The following TRPM3 variants were observed in gnomAD, a reference collection of about 807,000 sequenced individuals.
The protein encoded by TRPM3 is transient receptor potential cation channel subfamily M member 3, also known as long transient receptor potential channel 3.
A neutral mutation model predicts 181.2 loss-of-function variants in TRPM3; 77 were observed. The ratio of observed to expected loss-of-function variants is 0.42; its 90% CI spans 0.35 to 0.51. TRPM3 has a LOEUF of 0.51. TRPM3 is among the 20% of genes least tolerant of loss of function. TRPM3 has a pLI of 0.01. For synonymous variants in TRPM3, 745 were observed against 796.4 expected, an observed-to-expected ratio of 0.94 and a Z score of 1.09; for missense variants, 1,759 against 2,196.7, an observed-to-expected ratio of 0.80 and a Z score of 3.98.
chr9:70,936,870 G>T (rs1344638882), intron 1 of TRPM3, among the ~76,000 whole-genome samples: 1 of 152,152 alleles, frequency 6.6e-6, no homozygotes, highest in Non-Finnish European at 1.5e-5. Flanking sequence ...TTTCTCTGCT[G>T]TATCTCTTGT....
intron 8 of TRPM3, among the ~76,000 whole-genome samples, chr9:70,758,470 G>T (rs1302545588): frequency 6.6e-6 from 1 of 152,128 alleles, no homozygotes; most frequent in Non-Finnish European, 1.5e-5. Context: ...CACAGAATTA[G>T]GAAAAACTAC....
intron 1 of TRPM3, among the ~76,000 whole-genome samples, chr9:71,325,518 A>T (rs1049212435): frequency 1.3e-5 from 2 of 152,336 alleles, no homozygotes; most frequent in Admixed American, 6.5e-5. Flanking sequence ...TACAGAGATT[A>T]TAAATGATAA....
chr9:70,891,654 T>A (rs2096204818), intron 1 of TRPM3, among the ~76,000 whole-genome samples: 1 of 152,194 alleles, frequency 6.6e-6, no homozygotes, highest in African/African-American at 2.4e-5. Flanking sequence ...GATAAAGGTT[T>A]CAAATGAATG....
At chr9:71,315,420 T>C (rs952510142) in intron 1 of TRPM3, among the ~76,000 whole-genome samples, 1 of 152,144 alleles carries the variant, frequency 6.6e-6, no homozygotes, top group African/African-American at 2.4e-5. Context: ...TTTTCAAACT[T>C]CCCATACATT....
intron 6 of TRPM3, among the ~76,000 whole-genome samples, chr9:70,802,569 C>G (rs2089436534): frequency 1.3e-5 from 2 of 152,106 alleles, no homozygotes; most frequent in African/African-American, 4.8e-5. Context: ...TGCCTGTGAT[C>G]AATGAGAAAC....
At chr9:70,983,081 AG>A (rs1444348541) in intron 1 of TRPM3, among the ~76,000 whole-genome samples, 7 of 152,242 alleles carry the variant, frequency 4.6e-5, no homozygotes, top group Admixed American at 4.6e-4. Context: ...CCATCATGGT[AG>A]CATTTGTCTA....
intron 22 of TRPM3, among the ~76,000 whole-genome samples, chr9:70,564,292 T>A (rs191529718): frequency 3.9e-5 from 6 of 152,268 alleles, no homozygotes; most frequent in South Asian, 2.1e-4. Flanking sequence ...CTTTCAGATT[T>A]TTGTGTTGCT....
At chr9:70,814,017 A>T (rs958905073) in intron 6 of TRPM3, among the ~76,000 whole-genome samples, 2 of 152,236 alleles carry the variant, frequency 1.3e-5, no homozygotes, top group Non-Finnish European at 2.9e-5. Context: ...TTACAGATGC[A>T]CCAGCAAATA....
intron 21 of TRPM3, among the ~76,000 whole-genome samples, chr9:70,594,444 A>T (rs1304427413): frequency 6.6e-6 from 1 of 152,184 alleles, no homozygotes; most frequent in African/African-American, 2.4e-5. Context: ...TATGATGATG[A>T]CATGTCTGAC....
intron 9 of TRPM3, among the ~76,000 whole-genome samples, chr9:70,681,025 C>G (rs1253691708): frequency 6.6e-6 from 1 of 152,000 alleles, no homozygotes; most frequent in African/African-American, 2.4e-5. Flanking sequence ...ATAACAAGTA[C>G]AGTACCATAA....
intron 1 of TRPM3, among the ~76,000 whole-genome samples, chr9:71,303,271 G>C (rs1208663229): frequency 6.6e-6 from 1 of 152,206 alleles, no homozygotes; most frequent in Non-Finnish European, 1.5e-5. Flanking sequence ...GAAAAGGTAA[G>C]ACAAAGTTTA....
intron 1 of TRPM3, among the ~76,000 whole-genome samples, chr9:71,431,393 C>T (rs1403567441): frequency 2.6e-5 from 4 of 152,058 alleles, no homozygotes; most frequent in Non-Finnish European, 5.9e-5. Flanking sequence ...AATTATATTG[C>T]CCTATTTTTA....
At chr9:71,191,274 G>A (rs2078002861) in intron 1 of TRPM3, among the ~76,000 whole-genome samples, 1 of 151,926 alleles carries the variant, frequency 6.6e-6, no homozygotes, top group Middle Eastern at 3.4e-3. Flanking sequence ...AGTAGACACT[G>A]TACATTTTTG....
At chr9:70,896,184 G>T (rs1244485948) in intron 1 of TRPM3, among the ~76,000 whole-genome samples, 2 of 152,146 alleles carry the variant, frequency 1.3e-5, no homozygotes, top group Non-Finnish European at 2.9e-5. Context: ...TTGTTTGTTT[G>T]TTTTTGGTGC....
At chr9:71,303,851 T>C (rs1359606653) in intron 1 of TRPM3, among the ~76,000 whole-genome samples, 3 of 152,192 alleles carry the variant, frequency 2.0e-5, no homozygotes, top group African/African-American at 4.8e-5. Flanking sequence ...GCTTTATGTT[T>C]ATTGTATTGC....
At chr9:71,317,799 T>C (rs776018746) in intron 1 of TRPM3, among the ~76,000 whole-genome samples, 29 of 152,330 alleles carry the variant, frequency 1.9e-4, no homozygotes, top group South Asian at 1.2e-3. Flanking sequence ...CAAAATACTT[T>C]TGTATTTATA....
At chr9:71,162,199 C>CAAAAAA (rs35947110) in intron 1 of TRPM3, among the ~76,000 whole-genome samples, 1 of 74,408 alleles carries the variant, frequency 1.3e-5, no homozygotes, top group African/African-American at 5.4e-5. Flanking sequence ...GACTCTGTCT[C>CAAAAAA]AAAAAAAAAA....
chr9:70,916,961 T>C, intron 1 of TRPM3: 7 of 1,434,342 alleles, frequency 4.9e-6, no homozygotes, highest in Non-Finnish European at 6.7e-6. Context: ...TTAGGCTTTC[T>C]AGTGAACAAT....
intron 22 of TRPM3, among the ~76,000 whole-genome samples, chr9:70,569,355 T>C (rs2051556003): frequency 6.6e-6 from 1 of 152,204 alleles, no homozygotes; most frequent in South Asian, 2.1e-4. Context: ...GGGTTTGCAG[T>C]AGAATGTCTG....
Sources: allele counts gnomAD v4.1 joint callset (sites outside exome capture counted in the v4.1 genomes callset), GRCh38; gene constraint gnomAD v4.1.1; transcripts MANE v1.5; gene names NCBI Gene and HGNC (gene_info 2026-07-23, HGNC 2026-07-21).